SWT1: variants seen among roughly 807,000 people sequenced by gnomAD.
SWT1 encodes the protein SWT1 RNA endoribonuclease homolog, also known as transcriptional protein SWT1.
SWT1 carries 33 observed loss-of-function variants against 107.3 expected under a neutral mutation model. The ratio of observed to expected loss-of-function variants is 0.31; its 90% CI spans 0.23 to 0.41. The LOEUF is 0.41. Ranked by LOEUF, SWT1 falls within the 10% of genes least tolerant of loss-of-function variation. The pLI, the probability that SWT1 is intolerant of heterozygous loss-of-function variation, is 1.00. For synonymous variants in SWT1, 345 were observed against 348.3 expected (o/e 0.99, Z 0.11); for missense variants, 898 against 1,028.9 (o/e 0.87, Z 1.74).
intron 16 of SWT1, among the ~76,000 whole-genome samples, chr1:185,248,104 T>G (rs1661736621): frequency 6.6e-6 from 1 of 152,212 alleles, no homozygotes; most frequent in African/African-American, 2.4e-5. Flanking sequence ...TTCAGATTGC[T>G]TGGAAGCAGT....
chr1:185,243,396 C>G (rs976034886), intron 16 of SWT1, among the ~76,000 whole-genome samples: 1 of 152,100 alleles, frequency 6.6e-6, no homozygotes, highest in Admixed American at 6.6e-5. Context: ...AGGTGTGAGC[C>G]ACCACATCTG....
At chr1:185,281,778 A>T (rs1347968452) in intron 18 of SWT1, 3 of 154,470 alleles carry the variant, frequency 1.9e-5, no homozygotes, top group Non-Finnish European at 4.4e-5. Context: ...AGACAAAGAA[A>T]ACATAAACAG....
intron 13 of SWT1, among the ~76,000 whole-genome samples, chr1:185,208,991 TTCAAGAACG>T (rs1191726204): frequency 6.6e-6 from 1 of 152,162 alleles, no homozygotes; most frequent in Non-Finnish European, 1.5e-5. Context: ...CAAAAGTTTT[TTCAAGAACG>T]TCTTATCTGA....
At chr1:185,190,194 G>A (rs1451797433) in intron 9 of SWT1, among the ~76,000 whole-genome samples, 2 of 152,068 alleles carry the variant, frequency 1.3e-5, no homozygotes, top group African/African-American at 2.4e-5. Context: ...TTAGTTTCAC[G>A]GGAAAATTGC....
At chr1:185,214,467 C>T (rs761841438) in intron 13 of SWT1, 40 bp from the exon 14 acceptor site, 2 of 1,507,282 alleles carry the variant, frequency 1.3e-6, no homozygotes, top group South Asian at 1.2e-5. Context: ...GATGTATACT[C>T]ATTCTTCCAT....
intron 10 of SWT1, among the ~76,000 whole-genome samples, chr1:185,191,098 A>C (rs149270832): frequency 1.3e-3 from 199 of 152,300 alleles, no homozygotes; most frequent in African/African-American, 4.6e-3. Flanking sequence ...CAAGTTGCTT[A>C]ACTTAGTTTC....
chr1:185,290,432 T>A (rs1665186466), intron 18 of SWT1, among the ~76,000 whole-genome samples: 1 of 152,138 alleles, frequency 6.6e-6, no homozygotes, highest in South Asian at 2.1e-4. Context: ...TTTTTTTAAA[T>A]AGTAATTTTA....
At chr1:185,277,453 T>C (rs770144668) in intron 18 of SWT1, among the ~76,000 whole-genome samples, 7 of 151,992 alleles carry the variant, frequency 4.6e-5, no homozygotes, top group Non-Finnish European at 7.4e-5. Context: ...CATGCCCGGC[T>C]AATTTTTTGT....
intron 5 of SWT1, 128 bp downstream of exon 5, chr1:185,175,241 G>A: frequency 2.4e-6 from 2 of 843,324 alleles, no homozygotes; most frequent in Middle Eastern, 4.1e-4. Context: ...TTTTGTTTTT[G>A]AGACAGGGTC....
At position 185,221,050 on chromosome 1, in the gene SWT1, G is replaced by GACAC. The variant is rs59643566; in HGVS notation, c.2122-768_2122-765dup. On this transcript the variant is annotated intron_variant, in intron 14 of 18. Transcript: ENST00000367500. ...TAGTGTGCATGTGTGCGTGCACACA[G>GACAC]ACACACACACACACACACACACACA... 5.3e-4 allele frequency among the ~76,000 whole-genome samples: 80 copies of GACAC among 149,864 alleles called. 1 individual carries two copies. The Middle Eastern group carries it at 0.014, about 26-fold the overall frequency.
chr1:185,186,079 G>A (rs1439010709), intron 9 of SWT1, among the ~76,000 whole-genome samples: 1 of 152,074 alleles, frequency 6.6e-6, no homozygotes, highest in Non-Finnish European at 1.5e-5. Flanking sequence ...CTGAATAAAT[G>A]AAATGAGAGG....
intron 3 of SWT1, 108 bp downstream of exon 3, chr1:185,166,760 A>G (rs746643885): frequency 1.1e-5 from 8 of 699,980 alleles, no homozygotes; most frequent in Non-Finnish European, 1.7e-5. Context: ...ATAGAAAGTC[A>G]GTGTTGTTTT....
chr1:185,190,398 G>T, intron 9 of SWT1, 151 bp from the exon 10 acceptor site: 1 of 550,630 alleles, frequency 1.8e-6, no homozygotes, highest in South Asian at 2.6e-5. Context: ...TTGGACAAAT[G>T]TATAATGACG....
chr1:185,280,532 T>C (rs1325172401), intron 18 of SWT1, among the ~76,000 whole-genome samples: 1 of 152,070 alleles, frequency 6.6e-6, no homozygotes, highest in Non-Finnish European at 1.5e-5. Context: ...AGGAGCATCG[T>C]TTGCTCTAAT....
At chr1:185,197,727 T>A (rs1657517247) in intron 10 of SWT1, among the ~76,000 whole-genome samples, 1 of 152,214 alleles carries the variant, frequency 6.6e-6, no homozygotes, top group Non-Finnish European at 1.5e-5. Context: ...TTTCTAGATT[T>A]TCTAGTTTAT....
At chr1:185,258,614 C>T (rs1429102004) in intron 16 of SWT1, among the ~76,000 whole-genome samples, 2 of 151,936 alleles carry the variant, frequency 1.3e-5, no homozygotes, top group Non-Finnish European at 2.9e-5. Flanking sequence ...TATTATTTTC[C>T]CTAAGTAGTT....
chr1:185,173,356 C>T (rs548469129), intron 4 of SWT1, among the ~76,000 whole-genome samples: 61 of 151,896 alleles, frequency 4.0e-4, no homozygotes, highest in Non-Finnish European at 6.3e-4. Flanking sequence ...TCAGTGTTAT[C>T]CTTTGTTATT....
At chr1:185,217,037 C>T (rs1288733703) in intron 14 of SWT1, among the ~76,000 whole-genome samples, 2 of 152,048 alleles carry the variant, frequency 1.3e-5, no homozygotes, top group Non-Finnish European at 2.9e-5. Flanking sequence ...TCATTTGCTA[C>T]GTTAGCAAGA....
intron 13 of SWT1, among the ~76,000 whole-genome samples, chr1:185,212,209 TAATAA>T (rs1328503819): frequency 7.9e-5 from 12 of 152,078 alleles, no homozygotes; most frequent in African/African-American, 2.7e-4. Flanking sequence ...AGTGTAATAA[TAATAA>T]AATAAAAAAA....
Sources: allele counts gnomAD v4.1 joint callset (sites outside exome capture counted in the v4.1 genomes callset), GRCh38; gene constraint gnomAD v4.1.1; transcripts MANE v1.5; gene names NCBI Gene and HGNC (gene_info 2026-07-23, HGNC 2026-07-21).